Variants in PRKD2 observed in about 807,000 individuals in gnomAD.
PRKD2 encodes the protein protein kinase D2.
PRKD2 carries 22 observed loss-of-function variants against 86.0 expected under a neutral mutation model. The observed-to-expected ratio is 0.26, with a 90% CI of 0.18 to 0.37. The LOEUF (loss-of-function observed/expected upper bound fraction) is 0.37, where lower values mean the gene tolerates loss of function less well. Ranked by LOEUF, PRKD2 falls within the 10% of genes least tolerant of loss-of-function variation. The pLI, the probability that PRKD2 is intolerant of heterozygous loss-of-function variation, is 1.00. For missense variants in PRKD2, 818 were observed against 1,199.2 expected (o/e 0.68, Z 4.70); for synonymous variants, 509 against 510.9 (o/e 1.00, Z 0.05).
At position 46,678,440 on chromosome 19, in the gene PRKD2, G is replaced by A; in HGVS notation, c.2294C>T (p.Ala765Val). The change falls in exon 16 of 18, where the codon GCC becomes GTC. Residue 765 changes from alanine (A) to valine (V), a missense_variant. Coordinates refer to ENST00000291281, the MANE Select transcript of PRKD2 (RefSeq NM_016457.5). The surrounding 1 kb of genome is among the most constrained non-coding windows in gnomAD (Gnocchi z 5.7). ...EDINDQIQNA[A>V]FMYPASPWSH... ...CCAGGGGCTGGCCGGGTACATGAAGGCGGCGTTCTGGATCTGGTCATTGAT... is the reference window on the plus strand; with the variant it reads ...CCAGGGGCTGGCCGGGTACATGAAGACGGCGTTCTGGATCTGGTCATTGAT... 1 of 1,614,192 alleles carries A rather than the reference G, an allele frequency of 6.2e-7. No homozygotes were observed. The highest frequency in any genetic ancestry group is 8.5e-7 in the Non-Finnish European group (1 of 1,180,038).
chr19:46,675,740 C>T (rs991071241), intron 16 of PRKD2, among the ~76,000 whole-genome samples: 5 of 149,514 alleles, frequency 3.3e-5, no homozygotes, highest in South Asian at 2.1e-4. Flanking sequence ...CCACTGCGCC[C>T]GGCCTAAATG....
intron 3 of PRKD2, among the ~76,000 whole-genome samples, chr19:46,706,708 T>A (rs1599838561): frequency 6.6e-6 from 1 of 152,238 alleles, no homozygotes; most frequent in African/African-American, 2.4e-5. Flanking sequence ...CAGGGCTGTA[T>A]CATGACAAAG....
chr19:46,683,147 CCAT>C lies in PRKD2; in HGVS notation c.1972-1402_1972-1400del, dbSNP rs991366918. Among the ~76,000 whole-genome samples the C allele has an allele frequency of 2.5e-4, 38 of 150,290 alleles. No individual in the cohort carries two copies. In the East Asian group the frequency reaches 6.9e-3, roughly 27 times the overall value. ...GGACTACAGGCATGTGCCACCACCA[CCAT>C]GTCGGGCTTTGATTCCTTTTTTTTT... On this transcript the variant is annotated intron_variant, in intron 14 of 17. Transcript: ENST00000291281.
chr19:46,676,821 AG>A (rs1290905949), intron 16 of PRKD2, among the ~76,000 whole-genome samples: 1 of 152,176 alleles, frequency 6.6e-6, no homozygotes, highest in Non-Finnish European at 1.5e-5. Flanking sequence ...GCACTTTGGG[AG>A]GCTGAAGCGG....
chr19:46,714,270 G>A (rs2053851651), intron 1 of PRKD2: 1 of 1,231,050 alleles, frequency 8.1e-7, no homozygotes, highest in African/African-American at 1.5e-5. Context: ...CCGGGAGCGT[G>A]GACACCTCGA....
At chr19:46,690,274 G>A (rs993443114) in intron 13 of PRKD2, among the ~76,000 whole-genome samples, 5 of 152,136 alleles carry the variant, frequency 3.3e-5, no homozygotes, top group Admixed American at 1.3e-4. Flanking sequence ...GCAGCCTGCG[G>A]GATTTTCCTA....
intron 3 of PRKD2, among the ~76,000 whole-genome samples, chr19:46,706,226 G>A (rs1448150826): frequency 2.0e-5 from 3 of 152,078 alleles, no homozygotes; most frequent in Non-Finnish European, 4.4e-5. Flanking sequence ...TTTCCCACTG[G>A]ACGTTCTGTA....
At chr19:46,714,171 G>A in intron 1 of PRKD2, 170 bp from the exon 2 acceptor site, 1 of 1,335,224 alleles carries the variant, frequency 7.5e-7, no homozygotes, top group South Asian at 1.9e-5. Flanking sequence ...GAGCCGGGCA[G>A]GATGCCAGCG....
At chr19:46,694,630 G>A (rs924094122) in intron 9 of PRKD2, among the ~76,000 whole-genome samples, 6 of 152,128 alleles carry the variant, frequency 3.9e-5, no homozygotes, top group African/African-American at 1.2e-4. Context: ...ACTGGCAGAA[G>A]TGATATTGAA....
chr19:46,710,749 C>CTGGGCCCATCCTTCTTCCCA (rs2053793965), intron 3 of PRKD2, 158 bp downstream of exon 3: 1 of 871,566 alleles, frequency 1.1e-6, no homozygotes. Flanking sequence ...AGCTCTGCTT[C>CTGGGCCCATCCTTCTTCCCA]TGGGCCCATC....
chr19:46,677,671 G>T (rs907092951), intron 16 of PRKD2, among the ~76,000 whole-genome samples: 2 of 152,124 alleles, frequency 1.3e-5, no homozygotes, highest in Non-Finnish European at 2.9e-5. Flanking sequence ...ACCAGGCCCG[G>T]TGCCACTTCA....
At chr19:46,675,631 G>C (rs1470396889) in intron 16 of PRKD2, among the ~76,000 whole-genome samples, 1 of 152,162 alleles carries the variant, frequency 6.6e-6, no homozygotes, top group African/African-American at 2.4e-5. Flanking sequence ...TTTTAGTAGA[G>C]ATGGGGTTTC....
chr19:46,697,133 G>A (rs762342880), intron 9 of PRKD2, 24 bp downstream of exon 9: 4 of 1,531,962 alleles, frequency 2.6e-6, no homozygotes, highest in East Asian at 2.2e-5. Context: ...GAAGTCCGAG[G>A]GAGCTGAAAG....
intron 5 of PRKD2, 80 bp downstream of exon 5, chr19:46,704,089 C>G: frequency 6.3e-7 from 1 of 1,581,806 alleles, no homozygotes; most frequent in Non-Finnish European, 8.6e-7. Context: ...GGCTCAGATC[C>G]TTGTGTCCTG....
At chr19:46,706,644 G>A (rs894242161) in intron 3 of PRKD2, among the ~76,000 whole-genome samples, 1 of 152,170 alleles carries the variant, frequency 6.6e-6, no homozygotes, top group African/African-American at 2.4e-5. Context: ...ACCATCATCT[G>A]TGATGCTGCA....
intron 13 of PRKD2, among the ~76,000 whole-genome samples, chr19:46,690,223 C>T (rs2122651926): frequency 6.6e-6 from 1 of 152,306 alleles, no homozygotes; most frequent in East Asian, 1.9e-4. Flanking sequence ...CACTCAGCCT[C>T]CTGGCTACAA....
chr19:46,680,560 A>T (rs2053282823), intron 15 of PRKD2, among the ~76,000 whole-genome samples: 1 of 152,122 alleles, frequency 6.6e-6, no homozygotes, highest in Non-Finnish European at 1.5e-5. Context: ...AAGTGCTGGG[A>T]TTATAGGCAT....
chr19:46,697,293 C>G (rs887590358), intron 8 of PRKD2, 59 bp from the exon 9 acceptor site: 16 of 1,332,348 alleles, frequency 1.2e-5, no homozygotes, highest in Admixed American at 9.4e-5. Flanking sequence ...AGTCCCTATC[C>G]CGTGGAGCTG....
At chr19:46,696,920 G>C (rs1165995413) in intron 9 of PRKD2, among the ~76,000 whole-genome samples, 1 of 152,140 alleles carries the variant, frequency 6.6e-6, no homozygotes, top group East Asian at 1.9e-4. Flanking sequence ...TTTTGCAGGT[G>C]AGAAGCGTGA....
Sources: allele counts gnomAD v4.1 joint callset (sites outside exome capture counted in the v4.1 genomes callset), GRCh38; gene constraint gnomAD v4.1.1; non-coding constraint Gnocchi (gnomAD v3.1); transcripts MANE v1.5; gene names NCBI Gene and HGNC (gene_info 2026-07-23, HGNC 2026-07-21).